COL28A1: variants seen among roughly 807,000 people sequenced by gnomAD.
The protein encoded by COL28A1 is collagen alpha-1(XXVIII) chain.
A neutral mutation model predicts 150.2 loss-of-function variants in COL28A1; 161 were observed. That is an observed-to-expected ratio of 1.07 (90% CI 0.94 to 1.22). The LOEUF (loss-of-function observed/expected upper bound fraction) is 1.22. Ranked by LOEUF, COL28A1 falls within the 50% of genes most tolerant of loss-of-function variation. COL28A1 has a pLI of 0.00. For synonymous variants in COL28A1, 552 were observed against 469.7 expected, an observed-to-expected ratio of 1.18 and a Z score of -2.26; for missense variants, 1,617 against 1,388.3, an observed-to-expected ratio of 1.16 and a Z score of -2.62.
At chr7:7,533,324 A>G (rs1782473690) in intron 1 of COL28A1, among the ~76,000 whole-genome samples, 1 of 152,146 alleles carries the variant, frequency 6.6e-6, no homozygotes, top group Non-Finnish European at 1.5e-5. Context: ...CACTTTCATT[A>G]TAACTGATTC....
At chr7:7,418,513 C>G (rs1405839131) in intron 26 of COL28A1, among the ~76,000 whole-genome samples, 2 of 152,280 alleles carry the variant, frequency 1.3e-5, no homozygotes, top group Non-Finnish European at 1.5e-5. Context: ...TGCGCTTTCC[C>G]TTGGAGATCT....
chr7:7,496,057 T>C (rs1404033439), intron 11 of COL28A1, among the ~76,000 whole-genome samples: 1 of 152,188 alleles, frequency 6.6e-6, no homozygotes, highest in Non-Finnish European at 1.5e-5. Context: ...TACCTTTCTC[T>C]TTCATAGTGA....
intron 20 of COL28A1, among the ~76,000 whole-genome samples, chr7:7,443,146 A>C (rs935010049): frequency 6.6e-6 from 1 of 152,166 alleles, no homozygotes; most frequent in Non-Finnish European, 1.5e-5. Flanking sequence ...AACATATAAA[A>C]ATGTTATTCA....
chr7:7,417,987 G>A (rs924417181), intron 26 of COL28A1, 60 bp from the exon 27 acceptor site: 63 of 1,381,374 alleles, frequency 4.6e-5, no homozygotes, highest in Non-Finnish European at 5.8e-5. Context: ...AAGAAACAAC[G>A]TTAAGTATTA....
At chr7:7,369,967 A>T (rs746677670) in intron 33 of COL28A1, among the ~76,000 whole-genome samples, 6 of 152,132 alleles carry the variant, frequency 3.9e-5, no homozygotes, top group African/African-American at 7.2e-5. Flanking sequence ...GACTTGCCCA[A>T]GTTGCAACTT....
chr7:7,539,398 T>C (rs181716095), upstream of COL28A1, among the ~76,000 whole-genome samples: 183 of 152,176 alleles, frequency 1.2e-3, no homozygotes, highest in African/African-American at 2.4e-3. Flanking sequence ...CAGGAACTAA[T>C]ACAGAGAGAA....
chr7:7,527,959 A>G (rs2115239339), intron 3 of COL28A1, among the ~76,000 whole-genome samples: 1 of 152,312 alleles, frequency 6.6e-6, no homozygotes, highest in African/African-American at 2.4e-5. Flanking sequence ...TGGCCACTAT[A>G]AAATCTAAAA....
At chr7:7,538,110 C>T (rs1782710031), upstream of COL28A1, among the ~76,000 whole-genome samples, 2 of 152,066 alleles carry the variant, frequency 1.3e-5, no homozygotes, top group Non-Finnish European at 2.9e-5. Flanking sequence ...CATTCTCAAG[C>T]GTGAAAATCA....
intron 27 of COL28A1, among the ~76,000 whole-genome samples, chr7:7,415,794 A>G (rs887833180): frequency 3.3e-5 from 5 of 151,914 alleles, no homozygotes; most frequent in Non-Finnish European, 7.4e-5. Flanking sequence ...GGCCTCCCAA[A>G]GTGCTGGGTA....
chr7:7,408,971 G>C (rs563373892), intron 27 of COL28A1, among the ~76,000 whole-genome samples: 2 of 152,248 alleles, frequency 1.3e-5, no homozygotes, highest in South Asian at 2.1e-4. Flanking sequence ...AGTAGGTCGT[G>C]TGAAGAGCAG....
Position 7,358,752 on chromosome 7 carries a change from G to A in COL28A1, c.3259C>T (p.Arg1087Ter), listed in dbSNP as rs375108802. 2.5e-5 allele frequency: 40 copies of A among 1,613,792 alleles called. No homozygotes were observed. The highest frequency in any genetic ancestry group is 1.1e-4 in the African/African-American group (8 of 74,940). ...TTGACCTGTTTGTCATAATACCATCGAACCACATATTCACCACAGTTTCCA... is the reference window on the plus strand; with the variant it reads ...TTGACCTGTTTGTCATAATACCATCAAACCACATATTCACCACAGTTTCCA... ...KPGNCGEYVVRWYYDKQVNSC... is the reference protein window; with the variant it reads ...KPGNCGEYVV Residue 1087 changes from arginine to a stop codon, truncating the protein, a stop_gained, in exon 35 of 35, where the codon CGA becomes TGA. Transcript: ENST00000399429. LOFTEE classifies it high-confidence loss of function.
rs922180388 is a variant in COL28A1 at position 7,477,193 on chromosome 7, G to A, written c.1165-13C>T. ...GACCACGGGGACCCTGGTTAGGATA[G>A]GAGAAAATGAGGAGCAGGAGGAGAG... On this transcript the variant is annotated splice_polypyrimidine_tract_variant and intron_variant, in intron 13 of 34. Transcript: ENST00000399429. The A allele has an allele frequency of 2.9e-6, 3 of 1,039,182 alleles. No homozygotes were observed. The highest frequency in any genetic ancestry group is 4.6e-6 in the Non-Finnish European group (3 of 654,256). The allele number at this position is 1,039,182 out of a possible 1,614,324, so 64.4% of individuals were successfully genotyped here.
At chr7:7,459,119 T>A (rs995610920) in intron 15 of COL28A1, among the ~76,000 whole-genome samples, 8 of 152,232 alleles carry the variant, frequency 5.3e-5, no homozygotes, top group African/African-American at 1.9e-4. Context: ...TATGTAATAA[T>A]ATCCTGATAC....
In COL28A1 at chr7:7,370,859, G is replaced by T. The variant is rs1438268078; in HGVS notation, c.2932C>A (p.Gln978Lys). 2 of 1,611,916 alleles carry T rather than the reference G, an allele frequency of 1.2e-6. No individual in the cohort carries two copies. The highest frequency in any genetic ancestry group is 2.7e-5 in the African/African-American group (2 of 74,816). ...LQDTLKQKLF[Q>K]KICEDFDSYL... is the part of the protein sequence containing the mutation. Reference sequence around the variant, plus strand: ...GAATCAAAATCCTCACAAATTTTTTGAAACAATTTTTGCTTCAGGGTGTCT... The same window carrying T: ...GAATCAAAATCCTCACAAATTTTTTTAAACAATTTTTGCTTCAGGGTGTCT... Residue 978 changes from glutamine to lysine, a missense_variant, in exon 33 of 35, where the codon CAA becomes AAA. Coordinates refer to ENST00000399429, the MANE Select transcript of COL28A1 (RefSeq NM_001037763.3).
At chr7:7,351,488 T>G (rs1196896778), downstream of COL28A1, among the ~76,000 whole-genome samples, 3 of 152,076 alleles carry the variant, frequency 2.0e-5, no homozygotes, top group African/African-American at 7.2e-5. Context: ...GGTGTTTGTC[T>G]AAAGGTTACA....
At chr7:7,376,120 G>C (rs1194936548) in intron 30 of COL28A1, among the ~76,000 whole-genome samples, 1 of 152,122 alleles carries the variant, frequency 6.6e-6, no homozygotes, top group Non-Finnish European at 1.5e-5. Context: ...GGCCTGAAAT[G>C]AGCTGGGTAC....
chr7:7,430,367 T>C (rs1721188205), intron 25 of COL28A1, among the ~76,000 whole-genome samples: 1 of 152,162 alleles, frequency 6.6e-6, no homozygotes, highest in African/African-American at 2.4e-5. Context: ...CCTCAGGTGA[T>C]CTGCCCACCT....
chr7:7,351,227 T>C (rs1475112733), downstream of COL28A1, among the ~76,000 whole-genome samples: 1 of 152,044 alleles, frequency 6.6e-6, no homozygotes, highest in Non-Finnish European at 1.5e-5. Flanking sequence ...AATTAGAGGA[T>C]AGGATGGTAA....
At chr7:7,532,952 A>C in intron 1 of COL28A1, 40 bp from the exon 2 acceptor site, 1 of 1,433,500 alleles carries the variant, frequency 7.0e-7, no homozygotes, top group South Asian at 1.7e-5. Flanking sequence ...TTAATAAAAT[A>C]TGGTGTTTGT....
Sources: gnomAD v4.1 joint callset for allele counts (sites outside exome capture counted in the v4.1 genomes callset) on GRCh38, gnomAD v4.1.1 for gene constraint, MANE v1.5 for transcripts, NCBI Gene and HGNC (gene_info 2026-07-23, HGNC 2026-07-21) for gene names.